The following ITGB4 variants were observed in gnomAD, a reference collection of about 807,000 sequenced individuals.
ITGB4 encodes the protein integrin beta-4.
A neutral mutation model predicts 207.6 loss-of-function variants in ITGB4; 159 were observed. That is an observed-to-expected ratio of 0.77 (90% CI 0.67 to 0.87). ITGB4 has a LOEUF of 0.87. ITGB4 is among the 40% of genes least tolerant of loss of function. The pLI is 0.00. For synonymous variants in ITGB4, 1,020 were observed against 1,062.7 expected (o/e 0.96, Z 0.78); for missense variants, 2,278 against 2,546.8 (o/e 0.89, Z 2.27).
In ITGB4 at chr17:75,739,384, G is replaced by T. The variant is rs2143049200; in HGVS notation, c.2221-288G>T. Reference sequence around the variant, plus strand: ...GTCCTGTGCCTAACCTGCAAGAGGGGCATGGGGAATGAATTCAGTGCTTCC... The same window carrying T: ...GTCCTGTGCCTAACCTGCAAGAGGGTCATGGGGAATGAATTCAGTGCTTCC... On this transcript the variant is annotated intron_variant, in intron 18 of 39. Coordinates refer to ENST00000200181, the MANE Select transcript of ITGB4 (RefSeq NM_000213.5). The surrounding 1 kb of genome is among the most constrained non-coding windows in gnomAD (Gnocchi z 5.4). Among the ~76,000 whole-genome samples, 1 of 152,222 alleles carries T rather than the reference G, an allele frequency of 6.6e-6. No individual in the cohort carries two copies. The highest frequency in any genetic ancestry group is 2.1e-4 in the South Asian group (1 of 4,824).
chr17:75,752,042 G>A, intron 30 of ITGB4, 132 bp from the exon 31 acceptor site: 2 of 977,334 alleles, frequency 2.0e-6, no homozygotes, highest in Admixed American at 3.4e-5. Context: ...ATTCAGCAGT[G>A]GCTGGCTTTG....
intron 32 of ITGB4, among the ~76,000 whole-genome samples, chr17:75,753,159 A>G (rs2061406731): frequency 6.6e-6 from 1 of 152,002 alleles, no homozygotes; most frequent in African/African-American, 2.4e-5. Context: ...GAGTGGAAAA[A>G]CCTCTGGGGC....
rs200210978 is a variant in ITGB4, at chr17:75,733,465, G to A, written c.1455-25G>A. The A allele has an allele frequency of 6.9e-5, 111 of 1,606,476 alleles. No homozygotes were observed. In the East Asian group the frequency reaches 1.9e-3, roughly 28 times the overall value. On this transcript the variant is annotated intron_variant, in intron 12 of 39. Transcript: ENST00000200181. ...CCCAGCTTTCCTCCTGGGCTGTTTC[G>A]GGGAATGACCAGTTCCTCCTTCAGG...
intron 26 of ITGB4, among the ~76,000 whole-genome samples, chr17:75,744,469 C>T (rs145044357): frequency 1.3e-5 from 2 of 152,038 alleles, no homozygotes; most frequent in Non-Finnish European, 2.9e-5. Flanking sequence ...CCAGACCATT[C>T]CTGTCCCCTC....
At chr17:75,725,643 C>T (rs779551285) in intron 2 of ITGB4, among the ~76,000 whole-genome samples, 16 of 152,198 alleles carry the variant, frequency 1.1e-4, no homozygotes, top group Non-Finnish European at 2.1e-4. Context: ...CTGACCAGCA[C>T]ACCATTGCCT....
In ITGB4 at chr17:75,739,963, C is replaced by T. The variant is rs772208641; in HGVS notation, c.2338C>T (p.Arg780Cys). 3 of 1,613,258 alleles carry T rather than the reference C, an allele frequency of 1.9e-6. No individual in the cohort carries two copies. The highest frequency in any genetic ancestry group is 2.2e-5 in the South Asian group (2 of 91,090). Residue 780 changes from arginine (R) to cysteine (C), a missense_variant, in exon 20 of 40, where the codon CGC (arginine) becomes TGC (cysteine). By Grantham distance (180) the Arg-to-Cys change is radical. Transcript: ENST00000200181. This position sits in a 1 kb window ranked among gnomAD's most constrained non-coding sequence, Gnocchi z 5.4. ...ASDHLDTPML[R>C]SGNLKGRDVV... ...TGACCACTTGGACACGCCCATGCTG[C>T]GCAGCGGGAACCTCAAGGGCCGTGA...
At chr17:75,755,045 C>T in intron 34 of ITGB4, 1 of 1,592,178 alleles carries the variant, frequency 6.3e-7, no homozygotes, top group Non-Finnish European at 8.6e-7. Flanking sequence ...CTTGTTTTGT[C>T]CTGCCCTAGG....
chr17:75,756,007 A>G (rs184826145), intron 35 of ITGB4, among the ~76,000 whole-genome samples, 157 bp downstream of exon 35: 30 of 151,676 alleles, frequency 2.0e-4, no homozygotes, highest in African/African-American at 6.5e-4. Flanking sequence ...CCCATTCTCC[A>G]CCCCACTTCT....
chr17:75,754,539 G>T (rs1318454601), intron 33 of ITGB4, 37 bp from the exon 34 acceptor site: 63 of 1,612,394 alleles, frequency 3.9e-5, no homozygotes, highest in Non-Finnish European at 5.1e-5. Context: ...CGGGTCTGGG[G>T]CAGGCCTGAC....
chr17:75,737,703 C>T (rs2061013092), intron 18 of ITGB4, 59 bp downstream of exon 18: 3 of 1,377,478 alleles, frequency 2.2e-6, no homozygotes, highest in Non-Finnish European at 2.0e-6. Context: ...CCCAACAGGG[C>T]CCCCACCCTC....
intron 23 of ITGB4, 110 bp downstream of exon 23, chr17:75,741,115 G>A: frequency 8.0e-7 from 1 of 1,243,550 alleles, no homozygotes; most frequent in Non-Finnish European, 1.1e-6. Flanking sequence ...AGGAAGGGAG[G>A]GTCAGATGTG....
At position 75,742,860 on chromosome 17, in the gene ITGB4, C is replaced by T. The variant is rs890222523; in HGVS notation, c.2962+99C>T. ...TTGCGACCTGGCCACGTGGCCTGGGCTAGTCACTTAACCTCTGCAAGCCTT... is the reference window on the plus strand; with the variant it reads ...TTGCGACCTGGCCACGTGGCCTGGGTTAGTCACTTAACCTCTGCAAGCCTT... On this transcript the variant is annotated intron_variant, in intron 25 of 39. Coordinates refer to ENST00000200181, the MANE Select transcript of ITGB4 (RefSeq NM_000213.5). The surrounding 1 kb of genome is among the most constrained non-coding windows in gnomAD (Gnocchi z 5.9). 5.3e-5 allele frequency: 61 copies of T among 1,146,320 alleles called. No homozygotes were observed. The highest frequency in any genetic ancestry group is 7.4e-5 in the Non-Finnish European group (60 of 806,562). The allele number at this position is 1,146,320 out of a possible 1,614,324, so 71.0% of individuals were successfully genotyped here.
chr17:75,756,268 GAAC>G (rs1446525621), intron 35 of ITGB4, among the ~76,000 whole-genome samples, 158 bp from the exon 36 acceptor site: 1 of 152,132 alleles, frequency 6.6e-6, no homozygotes, highest in Non-Finnish European at 1.5e-5. Context: ...TACACAATCT[GAAC>G]AACCAGCCAT....
chr17:75,736,532 C>T (rs767634452), intron 15 of ITGB4, 33 bp from the exon 16 acceptor site: 3 of 1,588,392 alleles, frequency 1.9e-6, no homozygotes, highest in Non-Finnish European at 1.7e-6. Context: ...CCACCCAACA[C>T]AGTGCCTGTC....
intron 34 of ITGB4, chr17:75,755,236 G>A (rs1263145612): frequency 2.5e-6 from 4 of 1,594,730 alleles, no homozygotes; most frequent in Non-Finnish European, 2.6e-6. Flanking sequence ...TGGCCATCCT[G>A]TCTCCACAGC....
intron 23 of ITGB4, 83 bp downstream of exon 23, chr17:75,741,088 C>T (rs2061099716): frequency 6.8e-7 from 1 of 1,459,868 alleles, no homozygotes; most frequent in African/African-American, 1.4e-5. Context: ...TCCGTCCCTA[C>T]TCCATCTCCA....
chr17:75,734,127 GTTTTTT>G (rs58249158), intron 13 of ITGB4, among the ~76,000 whole-genome samples: 1 of 76,058 alleles, frequency 1.3e-5, no homozygotes, highest in East Asian at 3.9e-4. Flanking sequence ...TGTTGCTGCT[GTTTTTT>G]TTTTTTTTTT....
rs192046710 is a variant in ITGB4, at chr17:75,755,095, G to A, written c.4558+280G>A. On this transcript the variant is annotated intron_variant, in intron 34 of 39. Coordinates refer to ENST00000200181, the MANE Select transcript of ITGB4 (RefSeq NM_000213.5). ...GGGAACACGGGAGGAGCAGGCTTCC[G>A]CTGTCCTGGGCCCTGGGGTCCCGGA... 366 of 1,603,204 alleles carry A rather than the reference G, an allele frequency of 2.3e-4. 2 individuals are homozygous for A. The East Asian group carries it at 6.1e-3, about 27-fold the overall frequency.
At chr17:75,741,032 G>A (rs1330335530) in intron 23 of ITGB4, 27 bp downstream of exon 23, 2 of 1,609,328 alleles carry the variant, frequency 1.2e-6, no homozygotes, top group Admixed American at 1.7e-5. Context: ...TGGGTGAGAG[G>A]GCCCCCACTT....
Sources: allele counts gnomAD v4.1 joint callset (sites outside exome capture counted in the v4.1 genomes callset), GRCh38; gene constraint gnomAD v4.1.1; non-coding constraint Gnocchi (gnomAD v3.1); transcripts MANE v1.5; gene names NCBI Gene and HGNC (gene_info 2026-07-23, HGNC 2026-07-21).